HTR4: variants seen among roughly 807,000 people sequenced by gnomAD.
HTR4 encodes the protein 5-hydroxytryptamine (serotonin) receptor 4, G protein-coupled.
In HTR4, 16 loss-of-function variants were observed where a neutral mutation model predicts 36.8. The observed-to-expected ratio is 0.43, with a 90% CI of 0.29 to 0.66. The LOEUF (loss-of-function observed/expected upper bound fraction) is 0.66, where lower values mean the gene tolerates loss of function less well. Among genes scored for constraint, HTR4 ranks in the 30% least tolerant of loss-of-function variants. HTR4 has a pLI of 0.13. For synonymous variants in HTR4, 189 were observed against 185.1 expected, an observed-to-expected ratio of 1.02 and a Z score of -0.17; for missense variants, 438 against 490.9, an observed-to-expected ratio of 0.89 and a Z score of 1.02.
At chr5:148,625,021 C>T (rs965086474) in intron 2 of HTR4, among the ~76,000 whole-genome samples, 1 of 151,938 alleles carries the variant, frequency 6.6e-6, no homozygotes, top group Non-Finnish European at 1.5e-5. Flanking sequence ...GGTCTGGGAG[C>T]ATAGAGGGGA....
At chr5:148,592,449 C>T (rs1452290868) in intron 2 of HTR4, among the ~76,000 whole-genome samples, 2 of 151,902 alleles carry the variant, frequency 1.3e-5, no homozygotes, top group South Asian at 4.1e-4. Flanking sequence ...TAATTATATC[C>T]TCTCAGCTCT....
chr5:148,451,498 G>A (rs1754972231), intron 5 of HTR4, among the ~76,000 whole-genome samples: 1 of 152,130 alleles, frequency 6.6e-6, no homozygotes, highest in South Asian at 2.1e-4. Context: ...GGAAACGACA[G>A]GCCTAGGAGT....
downstream of HTR4, among the ~76,000 whole-genome samples, chr5:148,478,732 A>T (rs1755785353): frequency 6.6e-6 from 1 of 152,068 alleles, no homozygotes; most frequent in East Asian, 1.9e-4. Flanking sequence ...ATGGAATTCC[A>T]GGTAGATTTG....
chr5:148,495,689 A>C (rs999342391), intron 6 of HTR4, among the ~76,000 whole-genome samples: 3 of 152,242 alleles, frequency 2.0e-5, no homozygotes, highest in African/African-American at 7.2e-5. Flanking sequence ...CTATGTAGTC[A>C]TACCATGTCT....
intron 6 of HTR4, among the ~76,000 whole-genome samples, chr5:148,503,584 C>A (rs570951737): frequency 6.6e-6 from 1 of 152,172 alleles, no homozygotes; most frequent in East Asian, 1.9e-4. Flanking sequence ...ACTGCATCAA[C>A]TAACGAGCAA....
Position 148,561,194 on chromosome 5 carries a change from A to C in HTR4, c.27-10932T>G, listed in dbSNP as rs538696598. On this transcript the variant is annotated intron_variant, in intron 2 of 6. Transcript: ENST00000377888. ...AGGCAAAATCTTAATAGACTTTTCAAGAACCTCAAATATCACACATACTGG... is the reference window on the plus strand; with the variant it reads ...AGGCAAAATCTTAATAGACTTTTCACGAACCTCAAATATCACACATACTGG... Among the ~76,000 whole-genome samples the C allele has an allele frequency of 2.0e-4, 31 of 152,350 alleles. No homozygotes were observed. In the East Asian group the frequency reaches 5.6e-3, roughly 27 times the overall value.
At chr5:148,486,123 GTC>G (rs1247132624) in intron 6 of HTR4, among the ~76,000 whole-genome samples, 1 of 152,124 alleles carries the variant, frequency 6.6e-6, no homozygotes, top group Non-Finnish European at 1.5e-5. Flanking sequence ...GACTCACAAC[GTC>G]TCTCTCTCAG....
intron 6 of HTR4, among the ~76,000 whole-genome samples, chr5:148,498,423 AT>A (rs1271590394): frequency 5.3e-5 from 8 of 152,174 alleles, no homozygotes; most frequent in Non-Finnish European, 1.0e-4. Context: ...AATTTTGAGT[AT>A]TTTAATCCTT....
chr5:148,509,405 T>G (rs1220651842), intron 6 of HTR4, 51 bp downstream of exon 6: 3 of 1,369,822 alleles, frequency 2.2e-6, no homozygotes, highest in Non-Finnish European at 3.0e-6. Context: ...GCATTACCCC[T>G]TCTGAGTAAT....
intron 2 of HTR4, among the ~76,000 whole-genome samples, chr5:148,571,664 A>T (rs1760684325): frequency 6.6e-6 from 1 of 152,052 alleles, no homozygotes; most frequent in South Asian, 2.1e-4. Context: ...GTTTCGATAG[A>T]CAAGACACAC....
chr5:148,516,543 C>T (rs1404803917), intron 5 of HTR4, among the ~76,000 whole-genome samples: 1 of 151,848 alleles, frequency 6.6e-6, no homozygotes, highest in Non-Finnish European at 1.5e-5. Flanking sequence ...TGGTCTTGAA[C>T]TCCTGACCTC....
chr5:148,570,567 CATA>C (rs1279540695), intron 2 of HTR4, among the ~76,000 whole-genome samples: 25 of 152,072 alleles, frequency 1.6e-4, no homozygotes, highest in African/African-American at 5.8e-4. Context: ...GTGAGAGCTA[CATA>C]ACTTCGTCCA....
At chr5:148,567,651 C>G (rs1030682192) in intron 2 of HTR4, among the ~76,000 whole-genome samples, 2 of 152,110 alleles carry the variant, frequency 1.3e-5, no homozygotes, top group African/African-American at 4.8e-5. Flanking sequence ...GTCAAGTGCG[C>G]TCTGACCTGT....
chr5:148,528,405 T>C (rs891753601), intron 4 of HTR4, among the ~76,000 whole-genome samples: 29 of 152,178 alleles, frequency 1.9e-4, no homozygotes, highest in African/African-American at 4.8e-5. Flanking sequence ...CACCAAGACC[T>C]GGCACCTTTG....
At chr5:148,607,517 T>C (rs1362979690) in intron 2 of HTR4, among the ~76,000 whole-genome samples, 1 of 152,186 alleles carries the variant, frequency 6.6e-6, no homozygotes, top group Non-Finnish European at 1.5e-5. Context: ...ATTTCCACTT[T>C]CTTTTCCTAA....
intron 2 of HTR4, among the ~76,000 whole-genome samples, chr5:148,551,982 G>A (rs1301863830): frequency 6.6e-6 from 1 of 152,118 alleles, no homozygotes; most frequent in Non-Finnish European, 1.5e-5. Flanking sequence ...TGTCCTGTGA[G>A]CCCACCACTG....
At chr5:148,565,357 G>A (rs1395210970) in intron 2 of HTR4, among the ~76,000 whole-genome samples, 1 of 152,012 alleles carries the variant, frequency 6.6e-6, no homozygotes, top group Non-Finnish European at 1.5e-5. Context: ...CTGTTGAAAC[G>A]ACAACTATAA....
chr5:148,509,581 CTTA>C lies in HTR4; in HGVS notation c.948_950del (p.Asn316del). On this transcript the variant is annotated inframe_deletion, in exon 6 of 7. Coordinates refer to ENST00000377888, the MANE Select transcript of HTR4 (RefSeq NM_000870.7). The stretch of plus-strand genomic sequence containing the variant: ...TGATGAGGAAGGCACGTCTAAAAGA[CTTA>C]TTCAAGAAGGCGTAGAGAAAAGGGT... 6.2e-7 allele frequency: 1 copy of C among 1,614,036 alleles called. No homozygotes were observed. The highest frequency in any genetic ancestry group is 8.5e-7 in the Non-Finnish European group (1 of 1,180,002).
chr5:148,496,227 G>A (rs777558488), intron 6 of HTR4, among the ~76,000 whole-genome samples: 3 of 152,114 alleles, frequency 2.0e-5, no homozygotes, highest in Non-Finnish European at 4.4e-5. Flanking sequence ...GCTCTAAACC[G>A]TTAATATGCA....
Sources: allele counts gnomAD v4.1 joint callset (sites outside exome capture counted in the v4.1 genomes callset), GRCh38; gene constraint gnomAD v4.1.1; transcripts MANE v1.5; gene names NCBI Gene and HGNC (gene_info 2026-07-23, HGNC 2026-07-21).